Variants in SVOP observed in about 807,000 individuals in gnomAD.
SVOP encodes the protein synaptic vesicle 2-related protein.
In SVOP, 17 loss-of-function variants were observed where a neutral mutation model predicts 69.1. The observed-to-expected ratio is 0.25, with a 90% CI of 0.17 to 0.37. SVOP has a LOEUF of 0.37. SVOP is among the 10% of genes least tolerant of loss of function. The pLI is 1.00. For missense variants in SVOP, 435 were observed against 597.5 expected (o/e 0.73, Z 2.84); for synonymous variants, 238 against 238.6 (o/e 1.00, Z 0.02).
chr12:108,962,410 T>C (rs936739080), intron 5 of SVOP, among the ~76,000 whole-genome samples: 7 of 152,178 alleles, frequency 4.6e-5, no homozygotes, highest in Admixed American at 1.3e-4. Context: ...ATTTCTTTTT[T>C]AAAGTACGTG....
intron 7 of SVOP, among the ~76,000 whole-genome samples, chr12:108,943,999 A>T (rs2039908454): frequency 6.6e-6 from 1 of 151,816 alleles, no homozygotes; most frequent in Non-Finnish European, 1.5e-5. Flanking sequence ...CTCCTGCCTC[A>T]GCCTCCCAAC....
intron 5 of SVOP, among the ~76,000 whole-genome samples, chr12:108,964,756 T>C (rs921664157): frequency 6.6e-6 from 1 of 152,156 alleles, no homozygotes; most frequent in Non-Finnish European, 1.5e-5. Flanking sequence ...TGTCATTCCG[T>C]CTAATATCTG....
At chr12:108,997,008 G>T (rs1020371265) in intron 1 of SVOP, among the ~76,000 whole-genome samples, 1 of 152,052 alleles carries the variant, frequency 6.6e-6, no homozygotes, top group South Asian at 2.1e-4. Flanking sequence ...CAGCGTGAGC[G>T]ACACAGAAGA....
intron 4 of SVOP, among the ~76,000 whole-genome samples, chr12:108,974,351 G>A (rs2040095247): frequency 6.6e-6 from 1 of 152,074 alleles, no homozygotes; most frequent in South Asian, 2.1e-4. Context: ...TTGTTGTTGT[G>A]GTCTATTGTG....
rs1009645261 is a variant in SVOP, at chr12:108,931,345, A to G, written c.1048+2850T>C. 7.9e-5 allele frequency among the ~76,000 whole-genome samples: 12 copies of G among 152,268 alleles called. No homozygotes were observed. In the East Asian group the frequency reaches 1.7e-3, roughly 22 times the overall value. ...AGTTCAATGCTGAGAATTTAGTGTT[A>G]TCTTAAAAGTCAGAATGGCTTAAAA... is the stretch of plus-strand genomic sequence containing the variant. On this transcript the variant is annotated intron_variant, in intron 11 of 15. Transcript: ENST00000610966.
Position 108,915,190 on chromosome 12 carries a change from A to AT in SVOP, c.1440+592dup, listed in dbSNP as rs1491199200. On this transcript the variant is annotated intron_variant, in intron 15 of 15. Coordinates refer to ENST00000610966, the MANE Select transcript of SVOP (RefSeq NM_018711.5). ...TCCATCCCAAAAAAAAAAAAAAAAA[A>AT]TCAACTTTTATCATAGATTAAGGGG... Among the ~76,000 whole-genome samples, 105 of 143,000 alleles carry AT rather than the reference A, an allele frequency of 7.3e-4. 1 individual carries two copies. The highest frequency in any genetic ancestry group is 3.7e-3 in the Middle Eastern group (1 of 270). 93.8% of individuals were successfully genotyped at this position (143,000 alleles called of 152,430 possible). A position where few individuals can be genotyped will look rare whatever the true frequency, so the allele number is the denominator to read the frequency against.
rs568553738 is a variant in SVOP, at chr12:108,940,325, T to A, written c.768+459A>T. Among the ~76,000 whole-genome samples the A allele has an allele frequency of 4.3e-4, 65 of 152,290 alleles. 1 individual carries two copies. Among genetic ancestry groups the A allele is most frequent in the African/African-American group, 1.5e-3 (61 of 41,566 alleles). On this transcript the variant is annotated intron_variant, in intron 8 of 15. Transcript: ENST00000610966. ...ATGAAATGATGAGTATGTGGCAAGATCTCAGTAGAGGGTGTGGTTTATGCA... is the reference window on the plus strand; with the variant it reads ...ATGAAATGATGAGTATGTGGCAAGAACTCAGTAGAGGGTGTGGTTTATGCA...
chr12:108,958,751 G>A (rs1412312751), intron 6 of SVOP, among the ~76,000 whole-genome samples: 1 of 152,114 alleles, frequency 6.6e-6, no homozygotes, highest in East Asian at 1.9e-4. Flanking sequence ...GCCAAAAGTA[G>A]CTGCCTTGCC....
At chr12:108,983,151 C>A (rs1364064246) in intron 2 of SVOP, among the ~76,000 whole-genome samples, 1 of 150,794 alleles carries the variant, frequency 6.6e-6, no homozygotes, top group Non-Finnish European at 1.5e-5. Flanking sequence ...ATCATCATCA[C>A]CATTGTCATC....
chr12:108,917,480 T>C (rs2039721035), intron 14 of SVOP, among the ~76,000 whole-genome samples: 1 of 152,194 alleles, frequency 6.6e-6, no homozygotes, highest in Non-Finnish European at 1.5e-5. Flanking sequence ...ATCAGGGATA[T>C]CTTTGGAATG....
chr12:108,928,808 T>A (rs2039798287), intron 11 of SVOP, among the ~76,000 whole-genome samples: 1 of 152,096 alleles, frequency 6.6e-6, no homozygotes, highest in Non-Finnish European at 1.5e-5. Flanking sequence ...GTTCAAGCAA[T>A]CTGCCCGCGT....
chr12:108,943,862 C>G (rs1432626568), intron 7 of SVOP, among the ~76,000 whole-genome samples: 4 of 128,188 alleles, frequency 3.1e-5, no homozygotes, highest in Non-Finnish European at 7.0e-5. Flanking sequence ...CCTTCCTCTT[C>G]TTCCTCTTCC....
chr12:109,008,144 C>G (rs1052796215), intron 1 of SVOP, among the ~76,000 whole-genome samples: 2 of 152,132 alleles, frequency 1.3e-5, no homozygotes, highest in Non-Finnish European at 2.9e-5. Flanking sequence ...GACCCTGGCT[C>G]AAGTAGCTCC....
Position 108,915,785 on chromosome 12 carries a change from G to C in SVOP, c.1438C>G (p.Gln480Glu). 2 of 1,603,316 alleles carry C rather than the reference G, an allele frequency of 1.2e-6. No individual in the cohort carries two copies. Among genetic ancestry groups the C allele is most frequent in the African/African-American group, 1.3e-5 (1 of 74,754 alleles). ...VGALITPFIA[Q>E]VMLESSVYLT... The stretch of plus-strand genomic sequence containing the variant: ...CTGTATTTGGGGGCAGCACCTACCT[G>C]GGCGATGAACGGAGTGATGAGAGCA... The change falls in exon 15 of 16, where the codon CAG becomes GAG. Residue 480 changes from glutamine (Q) to glutamate (E), a missense_variant and splice_region_variant. Physicochemically the swap from Gln to Glu is conservative, Grantham distance 29 (BLOSUM62 2). Coordinates refer to ENST00000610966, the MANE Select transcript of SVOP (RefSeq NM_018711.5).
intron 7 of SVOP, among the ~76,000 whole-genome samples, chr12:108,943,838 TCCTC>T (rs1438722685): frequency 3.3e-5 from 5 of 149,444 alleles, no homozygotes; most frequent in Non-Finnish European, 7.4e-5. Context: ...CTCCTCCTCC[TCCTC>T]CTTCTTCTCC....
Position 108,954,000 on chromosome 12 carries a change from T to C in SVOP, c.578+6923A>G, listed in dbSNP as rs184398762. Among the ~76,000 whole-genome samples, 412 of 150,828 alleles carry C rather than the reference T, an allele frequency of 2.7e-3. 2 individuals are homozygous for C. The highest frequency in any genetic ancestry group is 9.7e-3 in the African/African-American group (396 of 40,952). ...GGTGGCTTGCTCCCATAATCCCAGC[T>C]ACTCGGGAAGCTGAGGTGGGAGGAT... On this transcript the variant is annotated intron_variant, in intron 6 of 15. Coordinates refer to ENST00000610966, the MANE Select transcript of SVOP (RefSeq NM_018711.5).
At chr12:108,985,488 A>G (rs975924443) in intron 1 of SVOP, among the ~76,000 whole-genome samples, 41 of 152,208 alleles carry the variant, frequency 2.7e-4, no homozygotes, top group Middle Eastern at 6.8e-3. Context: ...CCTGGTTGAC[A>G]TGGCAAAACC....
At chr12:109,009,621 G>A (rs1196491857) in intron 1 of SVOP, among the ~76,000 whole-genome samples, 1 of 152,028 alleles carries the variant, frequency 6.6e-6, no homozygotes. Flanking sequence ...CACCATGTTG[G>A]CCAGGCTGGT....
chr12:108,922,086 C>T (rs977030295), intron 12 of SVOP, among the ~76,000 whole-genome samples: 3 of 152,172 alleles, frequency 2.0e-5, no homozygotes, highest in Non-Finnish European at 4.4e-5. Context: ...CATATTTCTA[C>T]ACATCTTATG....
Sources: allele counts gnomAD v4.1 joint callset (sites outside exome capture counted in the v4.1 genomes callset), GRCh38; gene constraint gnomAD v4.1.1; transcripts MANE v1.5; gene names NCBI Gene and HGNC (gene_info 2026-07-23, HGNC 2026-07-21).